The following SSUH2 variants were observed in gnomAD, a reference collection of about 807,000 sequenced individuals.
SSUH2 encodes the protein protein SSUH2 homolog.
Under a neutral mutation model 55.3 loss-of-function variants are expected in SSUH2, and 47 were observed. The observed-to-expected ratio is 0.85, with a 90% CI of 0.67 to 1.08. SSUH2 has a LOEUF of 1.08. Among genes scored for constraint, SSUH2 ranks in the 50% least tolerant of loss-of-function variants. The pLI is 0.00. For missense variants in SSUH2, 535 were observed against 490.7 expected, an observed-to-expected ratio of 1.09 and a Z score of -0.85; for synonymous variants, 212 against 191.5, an observed-to-expected ratio of 1.11 and a Z score of -0.89.
At chr3:8,639,859 T>A in intron 1 of SSUH2, 1 of 717,058 alleles carries the variant, frequency 1.4e-6, no homozygotes, top group Non-Finnish European at 1.7e-6. Flanking sequence ...GGCCCCTGTC[T>A]CGTATAAGAA....
chr3:8,646,921 C>T (rs1399845431), upstream of SSUH2, among the ~76,000 whole-genome samples: 4 of 152,224 alleles, frequency 2.6e-5, no homozygotes, highest in Admixed American at 2.0e-4. Context: ...TGAACTGGCC[C>T]TCGTGTCCTG....
intron 3 of SSUH2, among the ~76,000 whole-genome samples, chr3:8,634,815 C>T (rs796116682): frequency 1.8e-4 from 27 of 152,166 alleles, no homozygotes; most frequent in African/African-American, 5.8e-4. Flanking sequence ...ACCCTGAGCT[C>T]GGCCCTGAGT....
intron 1 of SSUH2, among the ~76,000 whole-genome samples, chr3:8,637,913 C>G (rs1329762659): frequency 1.3e-5 from 2 of 152,116 alleles, no homozygotes; most frequent in African/African-American, 2.4e-5. Flanking sequence ...TCTCCCTTCA[C>G]AAAAGTAAAA....
rs191081487 is a variant in SSUH2 at position 8,627,863 on chromosome 3, C to T, written c.589-80G>A. ...CGGCATCCCAAGACCTGGTTCAAATCCCAGCCTGGTGACCTTCCTCCCCCT... is the reference window on the plus strand; with the variant it reads ...CGGCATCCCAAGACCTGGTTCAAATTCCAGCCTGGTGACCTTCCTCCCCCT... On this transcript the variant is annotated intron_variant, in intron 7 of 11. Coordinates refer to ENST00000544814, the MANE Select transcript of SSUH2 (RefSeq NM_001256748.3). The T allele has an allele frequency of 3.6e-4, 478 of 1,327,068 alleles. 1 individual carries two copies. Among genetic ancestry groups the T allele is most frequent in the Non-Finnish European group, 6.2e-5 (60 of 964,058 alleles). 82.2% of individuals were successfully genotyped at this position (1,327,068 alleles called of 1,614,324 possible).
chr3:8,624,218 TC>T (rs143287881), intron 10 of SSUH2, among the ~76,000 whole-genome samples: 7,061 of 152,238 alleles, frequency 0.046, 225 homozygotes, highest in Non-Finnish European at 0.07. Flanking sequence ...CCCCTGGGGC[TC>T]CCTGTTCTGC....
chr3:8,633,753 G>A lies in SSUH2; in HGVS notation c.252C>T (p.Leu84=), dbSNP rs763473470. ...MTEEVAREAL[L]SFVDSKCCYS... ...AGCAGCACTTAGAGTCCACAAAGCT[G>A]AGGAGGGCTTCCCGGGCCACCTCCT... Residue 84 remains leucine, a synonymous_variant, in exon 4 of 12, where the codon CTC becomes CTT. Coordinates refer to ENST00000544814, the MANE Select transcript of SSUH2 (RefSeq NM_001256748.3). 15 of 1,610,154 alleles carry A rather than the reference G, an allele frequency of 9.3e-6. No individual in the cohort carries two copies. The highest frequency in any genetic ancestry group is 2.2e-5 in the South Asian group (2 of 90,822).
intron 3 of SSUH2, among the ~76,000 whole-genome samples, chr3:8,675,222 C>T (rs1165537625): frequency 6.6e-6 from 1 of 152,212 alleles, no homozygotes; most frequent in Non-Finnish European, 1.5e-5. Context: ...TCTTTCCTAT[C>T]AGATTATCCC....
chr3:8,620,413 G>A (rs1696179238), intron 11 of SSUH2, among the ~76,000 whole-genome samples: 2 of 152,168 alleles, frequency 1.3e-5, no homozygotes, highest in African/African-American at 4.8e-5. Flanking sequence ...CCCAGCCATG[G>A]GAACTGTGAG....
chr3:8,654,045 CA>C (rs945578187), intron 7 of SSUH2, among the ~76,000 whole-genome samples: 117 of 152,282 alleles, frequency 7.7e-4, no homozygotes, highest in African/African-American at 2.5e-3. Flanking sequence ...GCTTAAATGA[CA>C]GAAATGTATT....
At chr3:8,668,199 T>G (rs1457400390) in intron 5 of SSUH2, among the ~76,000 whole-genome samples, 1 of 152,156 alleles carries the variant, frequency 6.6e-6, no homozygotes, top group Admixed American at 6.5e-5. Context: ...TGGCCTTCAT[T>G]AATTCCAGCC....
At chr3:8,680,200 C>T (rs960392097) in intron 1 of SSUH2, among the ~76,000 whole-genome samples, 9 of 152,160 alleles carry the variant, frequency 5.9e-5, no homozygotes, top group African/African-American at 2.2e-4. Context: ...GGATGGCCCC[C>T]CGTTTGAGGG....
chr3:8,628,856 TTTG>T (rs1436372637), intron 7 of SSUH2, among the ~76,000 whole-genome samples: 1 of 149,926 alleles, frequency 6.7e-6, no homozygotes, highest in Non-Finnish European at 1.5e-5. Context: ...GTTGCTGTTG[TTTG>T]TTTTTTGTTT....
intron 1 of SSUH2, among the ~76,000 whole-genome samples, chr3:8,639,425 C>T (rs189836962): frequency 1.3e-5 from 2 of 152,292 alleles, no homozygotes; most frequent in East Asian, 3.9e-4. Flanking sequence ...ACACGCATGG[C>T]AGAGATAGAA....
intron 4 of SSUH2, chr3:8,671,259 A>G (rs1704531433): frequency 5.9e-6 from 1 of 168,352 alleles, no homozygotes; most frequent in East Asian, 1.4e-4. Flanking sequence ...ACCCCGTGTG[A>G]CATTAGGGGT....
At chr3:8,679,404 A>T (rs1365479831) in intron 2 of SSUH2, among the ~76,000 whole-genome samples, 2 of 125,206 alleles carry the variant, frequency 1.6e-5, no homozygotes, top group South Asian at 5.4e-4. Flanking sequence ...ACTGAGAGCC[A>T]GCCCCTCTTC....
intron 3 of SSUH2, chr3:8,634,610 G>A (rs1317384999): frequency 1.6e-6 from 2 of 1,286,544 alleles, no homozygotes; most frequent in East Asian, 5.6e-5. Context: ...GGCTGGAGAG[G>A]CCAGAGATGA....
At chr3:8,628,206 G>A (rs769169174) in intron 7 of SSUH2, among the ~76,000 whole-genome samples, 5 of 152,138 alleles carry the variant, frequency 3.3e-5, no homozygotes, top group Non-Finnish European at 7.3e-5. Flanking sequence ...ACATTCCAGG[G>A]AAGACCACCG....
At chr3:8,632,189 C>T in intron 4 of SSUH2, 80 bp from the exon 5 acceptor site, 1 of 1,227,950 alleles carries the variant, frequency 8.1e-7, no homozygotes, top group East Asian at 2.4e-5. Flanking sequence ...AAGCTGTTAC[C>T]CTCCCAGGGC....
chr3:8,677,246 A>C, exon 3 of SSUH2: 2 of 151,960 alleles, frequency 1.3e-5, no homozygotes, highest in Non-Finnish European at 2.9e-5. Context: ...AAGAAATCTC[A>C]GAGCTGCCGA....
Sources: allele counts gnomAD v4.1 joint callset (sites outside exome capture counted in the v4.1 genomes callset), GRCh38; gene constraint gnomAD v4.1.1; transcripts MANE v1.5; gene names NCBI Gene and HGNC (gene_info 2026-07-23, HGNC 2026-07-21).